Variants in RPRD2 observed in about 807,000 individuals in gnomAD.
RPRD2 encodes the protein regulation of nuclear pre-mRNA domain-containing protein 2.
A neutral mutation model predicts 104.4 loss-of-function variants in RPRD2; 12 were observed. The observed-to-expected ratio is 0.11, with a 90% CI of 0.07 to 0.19. The LOEUF (loss-of-function observed/expected upper bound fraction) is 0.19. Ranked by LOEUF, RPRD2 falls within the 10% of genes least tolerant of loss-of-function variation. The probability of loss-of-function intolerance (pLI) is 1.00; values close to 1 mark genes in which losing one functional copy is unlikely to be tolerated. For missense variants in RPRD2, 1,543 were observed against 1,790.1 expected, an observed-to-expected ratio of 0.86 and a Z score of 2.49; for synonymous variants, 714 against 684.9, an observed-to-expected ratio of 1.04 and a Z score of -0.66.
rs1484668224 is a variant in RPRD2 at position 150,470,723 on chromosome 1, A to G, written c.1775A>G (p.Tyr592Cys). 1.9e-6 allele frequency: 3 copies of G among 1,614,002 alleles called. No individual in the cohort carries two copies. In the African/African-American group the frequency reaches 4.0e-5, roughly 22 times the overall value. ...CCTTTTATTCCCAAAAGCTTCAACTATTCTCCTAACTCATCAACTTCTGAA... is the reference window on the plus strand; with the variant it reads ...CCTTTTATTCCCAAAAGCTTCAACTGTTCTCCTAACTCATCAACTTCTGAA... The part of the protein sequence containing the change: ...AQPFIPKSFN[Y>C]SPNSSTSEVS... The change falls in exon 11 of 11, where the codon TAT becomes TGT. Residue 592 changes from tyrosine (Y) to cysteine (C), a missense_variant. By Grantham distance (194) the Tyr-to-Cys change is radical. Coordinates refer to ENST00000369068, the MANE Select transcript of RPRD2 (RefSeq NM_015203.5).
intron 1 of RPRD2, among the ~76,000 whole-genome samples, chr1:150,388,479 C>CTATA (rs151138923): frequency 9.4e-5 from 12 of 128,142 alleles, no homozygotes; most frequent in African/African-American, 2.8e-4. Flanking sequence ...TACACATACA[C>CTATA]TATATATATA....
chr1:150,441,098 C>A (rs1326505452), intron 3 of RPRD2, 75 bp downstream of exon 3: 2 of 718,898 alleles, frequency 2.8e-6, no homozygotes, highest in South Asian at 1.8e-5. Flanking sequence ...TAGATCTGGT[C>A]ATGTTGTATA....
At chr1:150,442,050 C>A (rs1251245247) in intron 4 of RPRD2, 92 bp downstream of exon 4, 3 of 959,028 alleles carry the variant, frequency 3.1e-6, no homozygotes, top group African/African-American at 3.3e-5. Flanking sequence ...CTGGCATAAA[C>A]CATGGGCAAG....
In RPRD2 at chr1:150,440,885, G is replaced by A. The variant is rs781889876; in HGVS notation, c.336-38G>A. ...ATTTCTAGTTTGGAGTAGAAGTCAA[G>A]GTTTTTATAGTCTGTATTACTTTTT... On this transcript the variant is annotated intron_variant, in intron 2 of 10. Transcript: ENST00000369068. 3 of 1,000,426 alleles carry A rather than the reference G, an allele frequency of 3.0e-6. No individual in the cohort carries two copies. The South Asian group carries it at 4.6e-5, about 15-fold the overall frequency. 62.0% of individuals were successfully genotyped at this position (1,000,426 alleles called of 1,614,324 possible).
chr1:150,398,486 G>A (rs1239836408), intron 1 of RPRD2, among the ~76,000 whole-genome samples: 5 of 150,514 alleles, frequency 3.3e-5, no homozygotes, highest in Admixed American at 2.0e-4. Flanking sequence ...GTGAGCCACC[G>A]TGCCTGGCCT....
intron 2 of RPRD2, among the ~76,000 whole-genome samples, chr1:150,437,156 C>G (rs1438701864): frequency 6.6e-6 from 1 of 152,054 alleles, no homozygotes; most frequent in Non-Finnish European, 1.5e-5. Context: ...ATTCACCATT[C>G]TAGATGGCAT....
chr1:150,365,744 C>T (rs1295441077), intron 1 of RPRD2, among the ~76,000 whole-genome samples: 1 of 152,100 alleles, frequency 6.6e-6, no homozygotes, highest in African/African-American at 2.4e-5. Flanking sequence ...CGCCCGCCAC[C>T]ATGTCCGGCT....
intron 1 of RPRD2, among the ~76,000 whole-genome samples, chr1:150,408,158 A>ATTTTTTTTTTTTT (rs10684924): frequency 3.2e-5 from 3 of 95,098 alleles, no homozygotes; most frequent in Non-Finnish European, 2.0e-5. Flanking sequence ...TATTCATATG[A>ATTTTTTTTTTTTT]TTTTTTTTTT....
At chr1:150,366,224 C>T (rs77262268) in intron 1 of RPRD2, among the ~76,000 whole-genome samples, 2 of 152,346 alleles carry the variant, frequency 1.3e-5, no homozygotes, top group East Asian at 3.9e-4. Flanking sequence ...ACCAGTGAGA[C>T]CCATCATCCA....
intron 2 of RPRD2, among the ~76,000 whole-genome samples, chr1:150,420,294 G>T (rs1175833259): frequency 6.6e-6 from 1 of 151,646 alleles, no homozygotes; most frequent in African/African-American, 2.4e-5. Flanking sequence ...ACTACTTTGT[G>T]TGTTACTACC....
chr1:150,458,764 C>T (rs587628484), intron 8 of RPRD2, among the ~76,000 whole-genome samples: 1 of 152,124 alleles, frequency 6.6e-6, no homozygotes, highest in East Asian at 1.9e-4. Flanking sequence ...CTCAGCCTCC[C>T]GAGTAGCTAG....
chr1:150,372,024 A>T (rs1419819033), intron 1 of RPRD2, among the ~76,000 whole-genome samples: 1 of 152,194 alleles, frequency 6.6e-6, no homozygotes, highest in Non-Finnish European at 1.5e-5. Context: ...GAACATAATT[A>T]TTGAAGCTAT....
intron 2 of RPRD2, among the ~76,000 whole-genome samples, chr1:150,421,164 A>G (rs879966091): frequency 6.6e-6 from 1 of 152,208 alleles, no homozygotes; most frequent in African/African-American, 2.4e-5. Flanking sequence ...AAGATAACTC[A>G]GCTAAATAGC....
At chr1:150,446,440 T>TAATTTAA in intron 7 of RPRD2, 39 bp downstream of exon 7, 1 of 1,460,674 alleles carries the variant, frequency 6.8e-7, no homozygotes. Context: ...TGAATGCTTG[T>TAATTTAA]TACTATATTT....
intron 1 of RPRD2, among the ~76,000 whole-genome samples, chr1:150,367,142 G>GT (rs1160424435): frequency 6.6e-6 from 1 of 152,126 alleles, no homozygotes; most frequent in East Asian, 1.9e-4. Context: ...ATATGATGTT[G>GT]TTTTTCTAGT....
rs1215781783 is a variant in RPRD2 at position 150,369,343 on chromosome 1, C to T, written c.205+4424C>T. Among the ~76,000 whole-genome samples, 4 of 151,014 alleles carry T rather than the reference C, an allele frequency of 2.6e-5. No individual in the cohort carries two copies. In the Admixed American group the frequency reaches 2.7e-4, roughly 10 times the overall value. On this transcript the variant is annotated intron_variant, in intron 1 of 10. Transcript: ENST00000369068. ...CTGTTGCCCAGGCTGGAGTGCAGGG[C>T]ATGATCTCCGCTCACTGCAACCTCC...
intron 1 of RPRD2, among the ~76,000 whole-genome samples, chr1:150,368,230 G>A (rs1553877547): frequency 2.9e-5 from 4 of 136,334 alleles, no homozygotes; most frequent in Admixed American, 2.2e-4. Flanking sequence ...TTTTTAATAC[G>A]GAGTCTTAAT....
At chr1:150,469,116 A>G (rs1193956523) in intron 10 of RPRD2, among the ~76,000 whole-genome samples, 1 of 152,212 alleles carries the variant, frequency 6.6e-6, no homozygotes, top group East Asian at 1.9e-4. Flanking sequence ...CTTTAGGCCA[A>G]ATCTGTTAGA....
chr1:150,407,775 C>G (rs1663589760), intron 1 of RPRD2, among the ~76,000 whole-genome samples: 1 of 152,160 alleles, frequency 6.6e-6, no homozygotes, highest in South Asian at 2.1e-4. Flanking sequence ...TTGTTTTCTT[C>G]TATTTAAATA....
Sources: allele counts gnomAD v4.1 joint callset (sites outside exome capture counted in the v4.1 genomes callset), GRCh38; gene constraint gnomAD v4.1.1; transcripts MANE v1.5; gene names NCBI Gene and HGNC (gene_info 2026-07-23, HGNC 2026-07-21).